The following RABEP1 variants were observed in gnomAD, a reference collection of about 807,000 sequenced individuals.
RABEP1 encodes rabaptin, RAB GTPase binding effector protein 1, also known as rab GTPase-binding effector protein 1.
A neutral mutation model predicts 123.4 loss-of-function variants in RABEP1; 51 were observed. The ratio of observed to expected loss-of-function variants is 0.41; its 90% confidence interval spans 0.33 to 0.52. The LOEUF is 0.52. Ranked by LOEUF, RABEP1 falls within the 20% of genes least tolerant of loss-of-function variation. The pLI is 0.16. For synonymous variants in RABEP1, 347 were observed against 355.2 expected (o/e 0.98, Z 0.26); for missense variants, 888 against 996.3 (o/e 0.89, Z 1.46).
At chr17:5,313,560 T>C (rs992775511) in intron 2 of RABEP1, among the ~76,000 whole-genome samples, 1 of 152,328 alleles carries the variant, frequency 6.6e-6, no homozygotes, top group South Asian at 2.1e-4. Flanking sequence ...AACCTCCCAT[T>C]TCTGAAATGC....
chr17:5,373,619 C>T (rs1249039182), intron 13 of RABEP1, among the ~76,000 whole-genome samples, 165 bp downstream of exon 13: 1 of 151,078 alleles, frequency 6.6e-6, no homozygotes, highest in East Asian at 1.9e-4. Context: ...TGTGTGCAAC[C>T]ATCATCACAA....
Position 5,282,418 on chromosome 17 carries a change from C to A in RABEP1, c.-69C>A. On this transcript the variant is annotated 5_prime_UTR_variant, in exon 1 of 18. It adds an upstream start codon to the 5' untranslated region. Coordinates refer to ENST00000537505, the MANE Select transcript of RABEP1 (RefSeq NM_004703.6). ...GCTCGGTTGACGCCTCCTCCGCCAGCTGAGCCCGCGGGAGCCCAGGACGCC... is the reference window on the plus strand; with the variant it reads ...GCTCGGTTGACGCCTCCTCCGCCAGATGAGCCCGCGGGAGCCCAGGACGCC... The A allele has an allele frequency of 1.6e-6, 2 of 1,234,166 alleles. No homozygotes were observed. The highest frequency in any genetic ancestry group is 2.1e-6 in the Non-Finnish European group (2 of 939,900). 76.5% of individuals were successfully genotyped at this position (1,234,166 alleles called of 1,614,324 possible). A position where few individuals can be genotyped will look rare whatever the true frequency, so the allele number is the denominator to read the frequency against.
At chr17:5,294,404 A>T (rs759645544) in intron 1 of RABEP1, among the ~76,000 whole-genome samples, 1 of 152,006 alleles carries the variant, frequency 6.6e-6, no homozygotes, top group Non-Finnish European at 1.5e-5. Context: ...CAATAAAACA[A>T]TAAGAATACA....
chr17:5,300,680 A>G (rs1356884225), intron 1 of RABEP1, among the ~76,000 whole-genome samples: 2 of 152,094 alleles, frequency 1.3e-5, no homozygotes, highest in Admixed American at 6.6e-5. Flanking sequence ...GATGTTTGTT[A>G]TTATTGTTTA....
chr17:5,336,019 A>G (rs1181207300), intron 4 of RABEP1, among the ~76,000 whole-genome samples: 3 of 152,202 alleles, frequency 2.0e-5, no homozygotes, highest in Non-Finnish European at 2.9e-5. Flanking sequence ...ACATAATACC[A>G]TATAATACTT....
In RABEP1 at chr17:5,287,598, CAAAAAAAAAAAAAAAA is replaced by C. The variant is rs55858409; in HGVS notation, c.34+5088_34+5103del. Among the ~76,000 whole-genome samples the C allele has an allele frequency of 5.1e-4, 31 of 61,178 alleles. 1 individual carries two copies. The highest frequency in any genetic ancestry group is 2.0e-3 in the African/African-American group (30 of 14,676). 40.1% of individuals were successfully genotyped at this position (61,178 alleles called of 152,430 possible). The stretch of plus-strand genomic sequence containing the variant: ...TGGGCAACAGAGTGAGACTCTGTCG[CAAAAAAAAAAAAAAAA>C]AAAAAAAAACCCAAAACACTGAGCG... On this transcript the variant is annotated intron_variant, in intron 1 of 17. Transcript: ENST00000537505.
rs1483246369 is a variant in RABEP1 at position 5,385,119 on chromosome 17, A to AAATGCC, written c.*1899_*1904dup. On this transcript the variant is annotated 3_prime_UTR_variant, in exon 18 of 18. Coordinates refer to ENST00000537505, the MANE Select transcript of RABEP1 (RefSeq NM_004703.6). ...AATGGTTAGTGGTCTCTACTGTGGC[A>AAATGCC]AATGCCAACTGTTGGAATTCACTTT... The AAATGCC allele has an allele frequency of 3.5e-5, 8 of 229,498 alleles. No homozygotes were observed. The highest frequency in any genetic ancestry group is 1.5e-4 in the African/African-American group (7 of 45,200). 14.2% of individuals were successfully genotyped at this position (229,498 alleles called of 1,614,324 possible).
intron 2 of RABEP1, among the ~76,000 whole-genome samples, chr17:5,309,806 G>A (rs1037238548): frequency 6.6e-6 from 1 of 152,178 alleles, no homozygotes; most frequent in African/African-American, 2.4e-5. Flanking sequence ...CTCTAGACCA[G>A]TGATTCTCAA....
chr17:5,285,956 G>A (rs2074973678), intron 1 of RABEP1, among the ~76,000 whole-genome samples: 1 of 152,204 alleles, frequency 6.6e-6, no homozygotes, highest in Non-Finnish European at 1.5e-5. Context: ...TATTTTATAA[G>A]CAGTGTTGTA....
At chr17:5,302,244 A>ATTTTTTTTTT (rs57770310) in intron 1 of RABEP1, among the ~76,000 whole-genome samples, 1,858 of 118,274 alleles carry the variant, frequency 0.016, 193 homozygotes, top group African/African-American at 0.046. Flanking sequence ...TACTGAAAAC[A>ATTTTTTTTTT]TTTTTTTTTT....
chr17:5,375,222 A>G (rs1025168275), intron 13 of RABEP1, among the ~76,000 whole-genome samples: 4 of 148,504 alleles, frequency 2.7e-5, no homozygotes, highest in African/African-American at 1.0e-4. Context: ...ATGTATTAAC[A>G]TGACTGTTAT....
chr17:5,376,310 A>G (rs1910988331), intron 13 of RABEP1, among the ~76,000 whole-genome samples: 1 of 152,204 alleles, frequency 6.6e-6, no homozygotes, highest in Admixed American at 6.5e-5. Flanking sequence ...TCTGGGTGAC[A>G]GAGGAAGATC....
In RABEP1 at chr17:5,386,177, G is replaced by T. The variant is rs377606329; in HGVS notation, c.*2954G>T. The T allele has an allele frequency of 6.4e-7, 1 of 1,573,862 alleles. No homozygotes were observed. Among genetic ancestry groups the T allele is most frequent in the South Asian group, 1.1e-5 (1 of 88,714 alleles). Reference sequence around the variant, plus strand: ...GGGTTTAAGCCTTCAATGGTGTTCAGTTCAGGTGTGAGTCAGCTCCTGGTG... The same window carrying T: ...GGGTTTAAGCCTTCAATGGTGTTCATTTCAGGTGTGAGTCAGCTCCTGGTG... On this transcript the variant is annotated 3_prime_UTR_variant, in exon 18 of 18. Coordinates refer to ENST00000537505, the MANE Select transcript of RABEP1 (RefSeq NM_004703.6).
chr17:5,354,595 A>G (rs1002047880), intron 8 of RABEP1, 105 bp downstream of exon 8: 3 of 1,054,566 alleles, frequency 2.8e-6, no homozygotes, highest in Admixed American at 2.9e-5. Flanking sequence ...TGAGAAGTGC[A>G]TAGCTACGAG....
chr17:5,340,131 G>A (rs1183835919), intron 5 of RABEP1, among the ~76,000 whole-genome samples: 2 of 152,200 alleles, frequency 1.3e-5, no homozygotes, highest in African/African-American at 4.8e-5. Context: ...TAGAGCTATA[G>A]ACATTTTGAA....
chr17:5,373,450 C>T lies in RABEP1; in HGVS notation c.2021C>T (p.Thr674Ile), dbSNP rs1304451830. ...GAAGACTTCATCCTCCCAGACACTA[C>T]AGAGGTAACTTACTTTCCACATGAT... is the stretch of plus-strand genomic sequence containing the variant. ...QAEDFILPDT[T>I]EALRELVLKY... is the part of the protein sequence containing the mutation. Residue 674 changes from threonine (T) to isoleucine (I), a missense_variant, in exon 13 of 18, where the codon ACA (threonine) becomes ATA (isoleucine). Physicochemically the swap from Thr to Ile is moderately conservative, Grantham distance 89 (BLOSUM62 -1). Transcript: ENST00000537505. 2 of 1,603,196 alleles carry T rather than the reference C, an allele frequency of 1.2e-6. No individual in the cohort carries two copies. Among genetic ancestry groups the T allele is most frequent in the Non-Finnish European group, 1.7e-6 (2 of 1,176,548 alleles).
intron 6 of RABEP1, among the ~76,000 whole-genome samples, chr17:5,347,657 G>C (rs1261734893): frequency 6.6e-6 from 1 of 152,138 alleles, no homozygotes; most frequent in Non-Finnish European, 1.5e-5. Context: ...GTAGCTCAGT[G>C]ATACAGAAAT....
In RABEP1 at chr17:5,314,588, G is replaced by A. The variant is rs191514341; in HGVS notation, c.163+5766G>A. ...GGCTGGAGTGCAGTGGCACGATCTC[G>A]GCTCACTGCAAGCTCCGCCTCCTGG... is the stretch of plus-strand genomic sequence containing the variant. On this transcript the variant is annotated intron_variant, in intron 2 of 17. Transcript: ENST00000537505. Among the ~76,000 whole-genome samples, 258 of 148,780 alleles carry A rather than the reference G, an allele frequency of 1.7e-3. 1 individual carries two copies. The highest frequency in any genetic ancestry group is 5.8e-3 in the African/African-American group (234 of 40,250).
intron 2 of RABEP1, among the ~76,000 whole-genome samples, chr17:5,324,760 A>G (rs1335417705): frequency 6.6e-6 from 1 of 152,234 alleles, no homozygotes; most frequent in Admixed American, 6.5e-5. Context: ...GGCATTTTTC[A>G]AAAGACGTAA....
Sources: allele counts gnomAD v4.1 joint callset (sites outside exome capture counted in the v4.1 genomes callset), GRCh38; gene constraint gnomAD v4.1.1; transcripts MANE v1.5; gene names NCBI Gene and HGNC (gene_info 2026-07-23, HGNC 2026-07-21).